The following RNF144B variants were observed in gnomAD, a reference collection of about 807,000 sequenced individuals.
The protein encoded by RNF144B is ring finger protein 144B, also known as E3 ubiquitin-protein ligase RNF144B.
Under a neutral mutation model 40.2 loss-of-function variants are expected in RNF144B, and 25 were observed. The observed-to-expected ratio is 0.62, with a 90% CI of 0.45 to 0.87. The LOEUF (loss-of-function observed/expected upper bound fraction) is 0.87, where lower values mean the gene tolerates loss of function less well. Among genes scored for constraint, RNF144B ranks in the 40% least tolerant of loss-of-function variants. RNF144B has a pLI of 0.00. For missense variants in RNF144B, 365 were observed against 373.7 expected (o/e 0.98, Z 0.19); for synonymous variants, 145 against 136.3 (o/e 1.06, Z -0.44).
rs968552986 is a variant in RNF144B, at chr6:18,443,557, G to A, written c.331+3813G>A. Among the ~76,000 whole-genome samples the A allele has an allele frequency of 9.9e-5, 15 of 152,048 alleles. No homozygotes were observed. Among genetic ancestry groups the A allele is most frequent in the African/African-American group, 2.7e-4 (11 of 41,394 alleles). On this transcript the variant is annotated intron_variant, in intron 4 of 7. Transcript: ENST00000259939. This position sits in a 1 kb window ranked among gnomAD's most constrained non-coding sequence, Gnocchi z 4.7. ...ATTACAGGTGTGAGCTACCGTGCCC[G>A]GCCTCTTAGGTGATTTTGGAAGGCA...
intron 3 of RNF144B, among the ~76,000 whole-genome samples, chr6:18,435,413 A>G (rs113986294): frequency 8.6e-6 from 1 of 116,126 alleles, no homozygotes; most frequent in African/African-American, 2.8e-5. Context: ...AAAAATGAAT[A>G]AATAGAGAAG....
At chr6:18,421,648 T>C (rs1474085935) in intron 2 of RNF144B, among the ~76,000 whole-genome samples, 2 of 152,136 alleles carry the variant, frequency 1.3e-5, no homozygotes, top group African/African-American at 4.8e-5. Flanking sequence ...CCTGAGGTGG[T>C]TCCAGGCATG....
chr6:18,437,251 C>A (rs150731394), intron 3 of RNF144B, among the ~76,000 whole-genome samples: 330 of 152,204 alleles, frequency 2.2e-3, no homozygotes, highest in Non-Finnish European at 3.8e-3. Context: ...GCAGCCTGGG[C>A]AACATAGCGA....
intron 1 of RNF144B, 114 bp downstream of exon 1, chr6:18,387,744 T>C: frequency 1.2e-6 from 1 of 804,520 alleles, no homozygotes; most frequent in Non-Finnish European, 1.7e-6. Context: ...TTCGATTTTC[T>C]GTCTCTAGTG....
rs1244116323 is a variant in RNF144B at position 18,450,139 on chromosome 6, A to G, written c.332-7016A>G. Among the ~76,000 whole-genome samples, 3 of 152,166 alleles carry G rather than the reference A, an allele frequency of 2.0e-5. No homozygotes were observed. The highest frequency in any genetic ancestry group is 4.4e-5 in the Non-Finnish European group (3 of 68,028). On this transcript the variant is annotated intron_variant, in intron 4 of 7. Transcript: ENST00000259939. This position sits in a 1 kb window ranked among gnomAD's most constrained non-coding sequence, Gnocchi z 4.7. ...GTTTCTCCTCTTTTTGTGCTGTGCAAATTCTGCACTTTCCCAGACTTGTCT... is the reference window on the plus strand; with the variant it reads ...GTTTCTCCTCTTTTTGTGCTGTGCAGATTCTGCACTTTCCCAGACTTGTCT...
At chr6:18,433,044 A>G (rs1189892374) in intron 3 of RNF144B, among the ~76,000 whole-genome samples, 1 of 152,168 alleles carries the variant, frequency 6.6e-6, no homozygotes, top group Non-Finnish European at 1.5e-5. Context: ...TTTTACTCAG[A>G]TTGCATATTT....
At chr6:18,396,889 C>A in intron 1 of RNF144B, 1 of 899,468 alleles carries the variant, frequency 1.1e-6, no homozygotes, top group South Asian at 5.1e-5. Flanking sequence ...ACTCAAAATC[C>A]TGAATTTGAC....
intron 3 of RNF144B, among the ~76,000 whole-genome samples, chr6:18,430,500 C>G (rs1019360168): frequency 6.6e-6 from 1 of 151,892 alleles, no homozygotes; most frequent in Non-Finnish European, 1.5e-5. Context: ...CTCTCTCTCT[C>G]TCTCTCTTTT....
chr6:18,393,325 G>A (rs890932516), intron 1 of RNF144B, among the ~76,000 whole-genome samples: 4 of 152,124 alleles, frequency 2.6e-5, no homozygotes, highest in Admixed American at 6.5e-5. Context: ...AGATGCAAGC[G>A]GAGAGTAGAG....
intron 2 of RNF144B, among the ~76,000 whole-genome samples, chr6:18,407,634 G>A (rs886941762): frequency 6.6e-6 from 1 of 152,142 alleles, no homozygotes; most frequent in Admixed American, 6.5e-5. Flanking sequence ...TGGTTTCTAT[G>A]TAAATTCTAA....
In RNF144B at chr6:18,459,907, G is replaced by A. The variant is rs1370858908; in HGVS notation, c.681+156G>A. ...GAGACTTACTAAGCCTGATACTTTAGATATCTAAAAACATCTTTTTGATGA... is the reference window on the plus strand; with the variant it reads ...GAGACTTACTAAGCCTGATACTTTAAATATCTAAAAACATCTTTTTGATGA... On this transcript the variant is annotated intron_variant, in intron 6 of 7. Transcript: ENST00000259939. This position sits in a 1 kb window ranked among gnomAD's most constrained non-coding sequence, Gnocchi z 4.2. Among the ~76,000 whole-genome samples, 1 of 152,138 alleles carries A rather than the reference G, an allele frequency of 6.6e-6. No homozygotes were observed. The highest frequency in any genetic ancestry group is 1.5e-5 in the Non-Finnish European group (1 of 68,030).
At chr6:18,393,645 T>C (rs1794631316) in intron 1 of RNF144B, among the ~76,000 whole-genome samples, 1 of 152,240 alleles carries the variant, frequency 6.6e-6, no homozygotes, top group Non-Finnish European at 1.5e-5. Flanking sequence ...GGTGTGTTCT[T>C]AGCTGATATG....
At chr6:18,427,518 G>C (rs1758585889) in intron 2 of RNF144B, 63 bp from the exon 3 acceptor site, 6 of 1,123,982 alleles carry the variant, frequency 5.3e-6, no homozygotes, top group East Asian at 2.4e-5. Flanking sequence ...TGGTGGTTCT[G>C]TTATGTAACC....
intron 3 of RNF144B, among the ~76,000 whole-genome samples, chr6:18,433,728 T>C (rs1758748481): frequency 6.6e-6 from 1 of 152,208 alleles, no homozygotes; most frequent in Non-Finnish European, 1.5e-5. Flanking sequence ...TCTCAGACAG[T>C]GATGCCCACA....
intron 2 of RNF144B, among the ~76,000 whole-genome samples, chr6:18,411,498 T>TATATATATATA (rs1491215297): frequency 8.6e-5 from 1 of 11,590 alleles, no homozygotes; most frequent in Non-Finnish European, 1.9e-4. Context: ...TATATATATA[T>TATATATATATA]TTTTTTTTTT....
chr6:18,434,839 T>A lies in RNF144B; in HGVS notation c.271-4845T>A, dbSNP rs1758782381. On this transcript the variant is annotated intron_variant, in intron 3 of 7. Coordinates refer to ENST00000259939, the MANE Select transcript of RNF144B (RefSeq NM_182757.4). This position sits in a 1 kb window ranked among gnomAD's most constrained non-coding sequence, Gnocchi z 4.1. ...GGTTTCACCTTGTTAGCCAGGATGGTCTCAATCTCCTGACCTCGTGATCCA... is the reference window on the plus strand; with the variant it reads ...GGTTTCACCTTGTTAGCCAGGATGGACTCAATCTCCTGACCTCGTGATCCA... Among the ~76,000 whole-genome samples the A allele has an allele frequency of 6.6e-6, 1 of 152,138 alleles. No individual in the cohort carries two copies. The highest frequency in any genetic ancestry group is 2.1e-4 in the South Asian group (1 of 4,826).
chr6:18,399,364 G>A (rs1160612034), intron 1 of RNF144B, 135 bp from the exon 2 acceptor site: 8 of 631,520 alleles, frequency 1.3e-5, no homozygotes, highest in East Asian at 5.8e-5. Flanking sequence ...CTAGCCCGTC[G>A]TTCCCAGAAA....
At position 18,412,522 on chromosome 6, in the gene RNF144B, ATGG is replaced by A. The variant is rs1795068613; in HGVS notation, c.165+12829_165+12831del. Among the ~76,000 whole-genome samples, 1 of 151,664 alleles carries A rather than the reference ATGG, an allele frequency of 6.6e-6. No individual in the cohort carries two copies. The highest frequency in any genetic ancestry group is 2.4e-5 in the African/African-American group (1 of 41,252). On this transcript the variant is annotated intron_variant, in intron 2 of 7. Transcript: ENST00000259939. The surrounding 1 kb of genome is among the most constrained non-coding windows in gnomAD (Gnocchi z 4.2). ...ATAGAAGACATGAATGAATGAAAAA[ATGG>A]TGGTGTTCAGACTGAGGGAGATGCC...
rs752104676 is a variant in RNF144B at position 18,457,180 on chromosome 6, A to G, written c.357A>G (p.Thr119=). The G allele has an allele frequency of 1.9e-6, 3 of 1,613,958 alleles. No homozygotes were observed. The highest frequency in any genetic ancestry group is 1.1e-5 in the South Asian group (1 of 91,078). Residue 119 remains threonine, a synonymous_variant, in exon 5 of 8, where the codon ACA becomes ACG. Transcript: ENST00000259939. This position sits in a 1 kb window ranked among gnomAD's most constrained non-coding sequence, Gnocchi z 5.1. ...AAGTTCATCTGGACCCCTACCGAAC[A>G]TGGTGTCCTGTTGCAGACTGTCAGA... ...EREVHLDPYR[T]WCPVADCQTV... is the part of the protein sequence containing the mutation.
Sources: allele counts gnomAD v4.1 joint callset (sites outside exome capture counted in the v4.1 genomes callset), GRCh38; gene constraint gnomAD v4.1.1; non-coding constraint Gnocchi (gnomAD v3.1); transcripts MANE v1.5; gene names NCBI Gene and HGNC (gene_info 2026-07-23, HGNC 2026-07-21).